The following PLEKHG3 variants were observed in gnomAD, a reference collection of about 807,000 sequenced individuals.
The protein encoded by PLEKHG3 is pleckstrin homology domain-containing family G member 3.
In PLEKHG3, 62 loss-of-function variants were observed where a neutral mutation model predicts 94.9. The observed-to-expected ratio is 0.65, with a 90% CI of 0.53 to 0.81. The LOEUF is 0.81. Ranked by LOEUF, PLEKHG3 falls within the 30% of genes least tolerant of loss-of-function variation. The pLI, the probability that PLEKHG3 is intolerant of heterozygous loss-of-function variation, is 0.00. For synonymous variants in PLEKHG3, 614 were observed against 654.0 expected (o/e 0.94, Z 0.93); for missense variants, 1,461 against 1,619.3 (o/e 0.90, Z 1.68).
chr14:64,737,295 TTCCCC>T (rs1211895861), intron 13 of PLEKHG3, 56 bp from the exon 14 acceptor site: 21 of 1,353,566 alleles, frequency 1.6e-5, no homozygotes, highest in East Asian at 4.7e-5. Context: ...TACTGATCTC[TTCCCC>T]TCCCCTCCCC....
At position 64,727,028 on chromosome 14, in the gene PLEKHG3, A is replaced by G. The variant is rs1002140808; in HGVS notation, c.-39-565A>G. On this transcript the variant is annotated intron_variant, in intron 1 of 16. Transcript: ENST00000247226. This position sits in a 1 kb window ranked among gnomAD's most constrained non-coding sequence, Gnocchi z 6.0. ...CTTCACAACTGCCATTATTATCACC[A>G]TATTGATGGTGTATGGAGCACGTAC... Among the ~76,000 whole-genome samples the G allele has an allele frequency of 3.3e-5, 5 of 152,166 alleles. No individual in the cohort carries two copies. Among genetic ancestry groups the G allele is most frequent in the African/African-American group, 1.2e-4 (5 of 41,418 alleles).
intron 1 of PLEKHG3, among the ~76,000 whole-genome samples, chr14:64,707,076 C>G (rs1483774455): frequency 6.6e-6 from 1 of 152,254 alleles, no homozygotes; most frequent in Non-Finnish European, 1.5e-5. Context: ...GGCCACTGCT[C>G]TGTCCCGCCT....
intron 1 of PLEKHG3, among the ~76,000 whole-genome samples, chr14:64,724,840 G>A (rs1057137077): frequency 3.9e-5 from 6 of 152,190 alleles, no homozygotes; most frequent in Non-Finnish European, 8.8e-5. Context: ...TTCAAGTCCA[G>A]GCTCTACCAC....
chr14:64,727,551 G>A lies in PLEKHG3; in HGVS notation c.-39-42G>A, dbSNP rs1339546081. On this transcript the variant is annotated intron_variant, in intron 1 of 16. Transcript: ENST00000247226. The surrounding 1 kb of genome is among the most constrained non-coding windows in gnomAD (Gnocchi z 6.0). ...ACCGTCCCTCTGTTCTGTTTCTGTG[G>A]GCATTCAGAGGTTGACCCTTCATCT... 1 of 716,426 alleles carries A rather than the reference G, an allele frequency of 1.4e-6. No homozygotes were observed. The highest frequency in any genetic ancestry group is 2.4e-6 in the Non-Finnish European group (1 of 411,272). 44.4% of individuals were successfully genotyped at this position (716,426 alleles called of 1,614,324 possible).
At position 64,732,897 on chromosome 14, in the gene PLEKHG3, A is replaced by T; in HGVS notation, c.1341A>T (p.Gln447His). Residue 447 changes from glutamine (Q) to histidine (H), a missense_variant, in exon 12 of 17, where the codon CAA becomes CAT. By Grantham distance (24) the Gln-to-His change is conservative. Coordinates refer to ENST00000247226, the MANE Select transcript of PLEKHG3 (RefSeq NM_001308147.2). The surrounding 1 kb of genome is among the most constrained non-coding windows in gnomAD (Gnocchi z 4.9). ...CCAATGTGCGCCAGGGGCGCCGGCA[A>T]TCTGGTAAGAGAAGGGCTGTGGAGG... ...VSTNVRQGRR[Q>H]SEPTKHLLRQ... The T allele has an allele frequency of 6.3e-7, 1 of 1,597,376 alleles. No individual in the cohort carries two copies. Among genetic ancestry groups the T allele is most frequent in the South Asian group, 1.1e-5 (1 of 88,540 alleles).
At position 64,731,163 on chromosome 14, in the gene PLEKHG3, GCTCCAGGTGCT is replaced by G; in HGVS notation, c.846_849+7del. On this transcript the variant is annotated splice_donor_variant and splice_donor_5th_base_variant and coding_sequence_variant and intron_variant, in exon 7 of 17. Transcript: ENST00000247226. LOFTEE classifies it high-confidence loss of function. This position sits in a 1 kb window ranked among gnomAD's most constrained non-coding sequence, Gnocchi z 6.1. ...AGAGGAGGCATGAGCACGCGGTCCG[GCTCCAGGTGCT>G]CTGGGGCTGGGACGCTGGGGGAGGG... The G allele has an allele frequency of 6.2e-7, 1 of 1,609,826 alleles. No individual in the cohort carries two copies. The highest frequency in any genetic ancestry group is 1.7e-5 in the Admixed American group (1 of 59,954).
At chr14:64,706,461 C>T (rs2080972205) in intron 1 of PLEKHG3, among the ~76,000 whole-genome samples, 1 of 152,196 alleles carries the variant, frequency 6.6e-6, no homozygotes, top group African/African-American at 2.4e-5. Flanking sequence ...GGATTACTTG[C>T]CTGCTCTTCC....
Position 64,716,068 on chromosome 14 carries a change from G to C in PLEKHG3, c.-40+11364G>C. ...CCCCTCGCCACCCTCGTGGTGCCCG[G>C]ATGGGAGCTCTCCTGAGGAAAGCGG... On this transcript the variant is annotated intron_variant, in intron 1 of 16. Coordinates refer to ENST00000247226, the MANE Select transcript of PLEKHG3 (RefSeq NM_001308147.2). This position sits in a 1 kb window ranked among gnomAD's most constrained non-coding sequence, Gnocchi z 5.0. The C allele has an allele frequency of 2.2e-6, 1 of 456,344 alleles. No individual in the cohort carries two copies. The highest frequency in any genetic ancestry group is 4.4e-6 in the Non-Finnish European group (1 of 226,748). 28.3% of individuals were successfully genotyped at this position (456,344 alleles called of 1,614,324 possible).
chr14:64,736,878 A>G lies in PLEKHG3; in HGVS notation c.1371A>G (p.Gln457=). 6.2e-7 allele frequency: 1 copy of G among 1,613,230 alleles called. No homozygotes were observed. The highest frequency in any genetic ancestry group is 1.1e-5 in the South Asian group (1 of 91,060). Residue 457 remains glutamine (Q), a synonymous_variant, in exon 13 of 17, where the codon CAA becomes CAG. Transcript: ENST00000247226. ...AGCCAACCAAACACCTGCTCAGGCA[A>G]CTCAACGAGAAAGGTGAGTGTGTGA... ...QSEPTKHLLR[Q]LNEKARAAGM... is the part of the protein sequence containing the mutation.
chr14:64,710,606 G>C (rs2081053638), intron 1 of PLEKHG3, among the ~76,000 whole-genome samples: 1 of 152,162 alleles, frequency 6.6e-6, no homozygotes, highest in East Asian at 1.9e-4. Context: ...AGGATGTGGA[G>C]GTTGCAGTGG....
intron 1 of PLEKHG3, among the ~76,000 whole-genome samples, chr14:64,713,090 C>G (rs2081086357): frequency 6.6e-6 from 1 of 152,150 alleles, no homozygotes; most frequent in Non-Finnish European, 1.5e-5. Context: ...ATCCTATTAT[C>G]AACCTGAATT....
rs752433878 is a variant in PLEKHG3 at position 64,723,214 on chromosome 14, T to C, written c.-39-4379T>C. Among the ~76,000 whole-genome samples, 25 of 152,166 alleles carry C rather than the reference T, an allele frequency of 1.6e-4. No individual in the cohort carries two copies. The highest frequency in any genetic ancestry group is 2.6e-4 in the Admixed American group (4 of 15,286). On this transcript the variant is annotated intron_variant, in intron 1 of 16. Coordinates refer to ENST00000247226, the MANE Select transcript of PLEKHG3 (RefSeq NM_001308147.2). This position sits in a 1 kb window ranked among gnomAD's most constrained non-coding sequence, Gnocchi z 4.5. ...AAGAAAAAGAAAAGAAACCTCCCTC[T>C]CTCCCCCTCTTCTGCCCCTGGATCC...
Position 64,723,353 on chromosome 14 carries a change from G to A in PLEKHG3, c.-39-4240G>A, listed in dbSNP as rs78673285. On this transcript the variant is annotated intron_variant, in intron 1 of 16. Coordinates refer to ENST00000247226, the MANE Select transcript of PLEKHG3 (RefSeq NM_001308147.2). This position sits in a 1 kb window ranked among gnomAD's most constrained non-coding sequence, Gnocchi z 4.5. ...TTTAGGAGGCTGAGGCAGGAGGATC[G>A]CTTGAGGTCGAGGCTGCAATGAGCT... Among the ~76,000 whole-genome samples, 1,496 of 152,164 alleles carry A rather than the reference G, an allele frequency of 9.8e-3. 23 individuals carry two copies. Among genetic ancestry groups the A allele is most frequent in the African/African-American group, 0.033 (1,366 of 41,508 alleles).
rs1299408422 is a variant in PLEKHG3 at position 64,704,736 on chromosome 14, C to T, written c.-40+32C>T. On this transcript the variant is annotated intron_variant, in intron 1 of 16. Coordinates refer to ENST00000247226, the MANE Select transcript of PLEKHG3 (RefSeq NM_001308147.2). This position sits in a 1 kb window ranked among gnomAD's most constrained non-coding sequence, Gnocchi z 5.6. ...GTCCCCTGATTCTCCTCTCTCCCCT[C>T]TTATCTCCCTGCATTAGGCTGAGCG... 6.6e-6 allele frequency: 1 copy of T among 152,422 alleles called. No individual in the cohort carries two copies. Among genetic ancestry groups the T allele is most frequent in the East Asian group, 1.9e-4 (1 of 5,174 alleles). 9.4% of individuals were successfully genotyped at this position (152,422 alleles called of 1,614,324 possible). A position where few individuals can be genotyped will look rare whatever the true frequency, so the allele number is the denominator to read the frequency against.
At position 64,732,973 on chromosome 14, in the gene PLEKHG3, A is replaced by G; in HGVS notation, c.1345+72A>G. 3.1e-6 allele frequency: 3 copies of G among 962,322 alleles called. No individual in the cohort carries two copies. The highest frequency in any genetic ancestry group is 4.9e-6 in the Non-Finnish European group (3 of 612,944). 59.6% of individuals were successfully genotyped at this position (962,322 alleles called of 1,614,324 possible). On this transcript the variant is annotated intron_variant, in intron 12 of 16. Transcript: ENST00000247226. This position sits in a 1 kb window ranked among gnomAD's most constrained non-coding sequence, Gnocchi z 4.9. Reference sequence around the variant, plus strand: ...GCCCAGACTGGGGACCGTCTGCGGCAGTGTCCAGGGCTGTGGCTCTCACCT... The same window carrying G: ...GCCCAGACTGGGGACCGTCTGCGGCGGTGTCCAGGGCTGTGGCTCTCACCT...
intron 15 of PLEKHG3, among the ~76,000 whole-genome samples, chr14:64,740,281 T>C (rs2081661079): frequency 1.1e-5 from 1 of 87,488 alleles, no homozygotes; most frequent in Non-Finnish European, 2.5e-5. Context: ...GATCTTATAA[T>C]TAGTGTTTGC....
chr14:64,736,889 A>G lies in PLEKHG3; in HGVS notation c.1382A>G (p.Lys461Arg). 6.2e-7 allele frequency: 1 copy of G among 1,612,256 alleles called. No homozygotes were observed. Among genetic ancestry groups the G allele is most frequent in the Non-Finnish European group, 8.5e-7 (1 of 1,178,370 alleles). The change falls in exon 13 of 17, where the codon AAA becomes AGA. Residue 461 changes from lysine (K) to arginine (R), a missense_variant and splice_region_variant. Physicochemically the swap from Lys to Arg is conservative, Grantham distance 26 (BLOSUM62 2). Around this residue, in one of 3 missense-constraint regions of PLEKHG3, gnomAD observed 1,201 missense variants for 1,295.5 expected, o/e 0.93. Coordinates refer to ENST00000247226, the MANE Select transcript of PLEKHG3 (RefSeq NM_001308147.2). The part of the protein sequence containing the change: ...TKHLLRQLNE[K>R]ARAAGMKGKG... ...CACCTGCTCAGGCAACTCAACGAGA[A>G]AGGTGAGTGTGTGAGGTGGCCAGCC...
In PLEKHG3 at chr14:64,717,488, A is replaced by G. The variant is rs908479182; in HGVS notation, c.-39-10105A>G. On this transcript the variant is annotated intron_variant, in intron 1 of 16. Coordinates refer to ENST00000247226, the MANE Select transcript of PLEKHG3 (RefSeq NM_001308147.2). This position sits in a 1 kb window ranked among gnomAD's most constrained non-coding sequence, Gnocchi z 4.7. ...ACCCTTGGGTAGTAAGATGCACACA[A>G]ACTCCTCCCCCAGCCCAGTTGAGAG... 6.6e-6 allele frequency among the ~76,000 whole-genome samples: 1 copy of G among 152,118 alleles called. No homozygotes were observed. Among genetic ancestry groups the G allele is most frequent in the African/African-American group, 2.4e-5 (1 of 41,398 alleles).
Position 64,726,190 on chromosome 14 carries a change from G to A in PLEKHG3, c.-39-1403G>A, listed in dbSNP as rs879452222. On this transcript the variant is annotated intron_variant, in intron 1 of 16. Coordinates refer to ENST00000247226, the MANE Select transcript of PLEKHG3 (RefSeq NM_001308147.2). This position sits in a 1 kb window ranked among gnomAD's most constrained non-coding sequence, Gnocchi z 5.1. ...GGCAGAGAGAACATTTGCAAAAGCC[G>A]GAGACCCAGGGGTGTTGGTTTCCAG... Among the ~76,000 whole-genome samples the A allele has an allele frequency of 1.3e-5, 2 of 152,098 alleles. No individual in the cohort carries two copies. The highest frequency in any genetic ancestry group is 3.2e-3 in the Middle Eastern group (1 of 316).
Sources: gnomAD v4.1 joint callset for allele counts (sites outside exome capture counted in the v4.1 genomes callset) on GRCh38, gnomAD v4.1.1 for gene constraint, gnomAD v4.1.1 regional missense constraint, Gnocchi (gnomAD v3.1) non-coding constraint, MANE v1.5 for transcripts, NCBI Gene and HGNC (gene_info 2026-07-23, HGNC 2026-07-21) for gene names.